Variants in VCAN observed in about 807,000 individuals in gnomAD.
The protein encoded by VCAN is versican.
In VCAN, 44 loss-of-function variants were observed where a neutral mutation model predicts 245.5. The observed-to-expected ratio is 0.18, with a 90% CI of 0.14 to 0.23. The LOEUF is 0.23. VCAN is among the 10% of genes least tolerant of loss of function. VCAN has a pLI of 1.00. For synonymous variants in VCAN, 1,413 were observed against 1,437.0 expected, an observed-to-expected ratio of 0.98 and a Z score of 0.38; for missense variants, 3,793 against 4,057.9, an observed-to-expected ratio of 0.93 and a Z score of 1.77.
At chr5:83,478,427 C>A (rs1486081108) in intron 1 of VCAN, among the ~76,000 whole-genome samples, 4 of 152,118 alleles carry the variant, frequency 2.6e-5, no homozygotes, top group African/African-American at 9.7e-5. Context: ...TTTGATTCAG[C>A]AATTCCACTT....
intron 10 of VCAN, among the ~76,000 whole-genome samples, chr5:83,550,773 G>C (rs1747429331): frequency 6.7e-6 from 1 of 150,068 alleles, no homozygotes; most frequent in South Asian, 2.1e-4. Context: ...TGTAATCTCA[G>C]CTAATCAGGA....
At chr5:83,562,828 G>A (rs1747918382) in intron 12 of VCAN, among the ~76,000 whole-genome samples, 1 of 145,934 alleles carries the variant, frequency 6.9e-6, no homozygotes, top group Non-Finnish European at 1.5e-5. Context: ...TCTGCCTGAG[G>A]CCCCCTCTCT....
chr5:83,539,565 A>G lies in VCAN; in HGVS notation c.6562A>G (p.Asn2188Asp). The G allele has an allele frequency of 6.2e-7, 1 of 1,614,088 alleles. No homozygotes were observed. The highest frequency in any genetic ancestry group is 1.3e-5 in the African/African-American group (1 of 75,058). Residue 2188 changes from asparagine (N) to aspartate (D), a missense_variant, in exon 8 of 15, where the codon AAT (asparagine) becomes GAT (aspartate). Coordinates refer to ENST00000265077, the MANE Select transcript of VCAN (RefSeq NM_004385.5). ...CATGTCTACTCCAGATCCAGATGCA[A>G]ATGGCTTGGAATCTTACACAACTCT... The part of the protein sequence containing the change: ...VNMSTPDPDA[N>D]GLESYTTLPE...
At position 83,471,836 on chromosome 5, in the gene VCAN, A is replaced by T; in HGVS notation, c.-194A>T. 1 of 398,312 alleles carries T rather than the reference A, an allele frequency of 2.5e-6. No homozygotes were observed. 24.7% of individuals were successfully genotyped at this position (398,312 alleles called of 1,614,324 possible). A position where few individuals can be genotyped will look rare whatever the true frequency, so the allele number is the denominator to read the frequency against. ...CAGCCGAGAACATTAGGTGTTGTGG[A>T]CAGGAGCTGGGACCAAGATCTTCGG... On this transcript the variant is annotated 5_prime_UTR_variant, in exon 1 of 15. Coordinates refer to ENST00000265077, the MANE Select transcript of VCAN (RefSeq NM_004385.5).
intron 7 of VCAN, among the ~76,000 whole-genome samples, chr5:83,526,382 G>A (rs1746301822): frequency 6.6e-6 from 1 of 151,952 alleles, no homozygotes; most frequent in Non-Finnish European, 1.5e-5. Context: ...ATAAGATCCA[G>A]GTCCTTTCTT....
intron 7 of VCAN, among the ~76,000 whole-genome samples, chr5:83,534,730 A>C: frequency 6.6e-6 from 1 of 152,126 alleles, no homozygotes; most frequent in East Asian, 1.9e-4. Flanking sequence ...ATATTCAAAT[A>C]GTTTTAGCAA....
At chr5:83,565,776 A>G (rs1268504136) in intron 12 of VCAN, among the ~76,000 whole-genome samples, 1 of 152,064 alleles carries the variant, frequency 6.6e-6, no homozygotes, top group Non-Finnish European at 1.5e-5. Flanking sequence ...TTGCTTCTGT[A>G]TGTGATGTGC....
rs1472717562 is a variant in VCAN at position 83,545,649 on chromosome 5, T to C, written c.9378T>C (p.Leu3126=). 1.2e-6 allele frequency: 2 copies of C among 1,611,632 alleles called. No homozygotes were observed. The highest frequency in any genetic ancestry group is 8.5e-7 in the Non-Finnish European group (1 of 1,177,824). Residue 3126 remains leucine, a splice_region_variant and synonymous_variant, in exon 9 of 15, where the codon CTT becomes CTC. Coordinates refer to ENST00000265077, the MANE Select transcript of VCAN (RefSeq NM_004385.5). ...GATACAGCGGAGACCAGTGTGAACT[T>C]GGTAAGATGGTACTTGGCTGAAAAG... ...VPGYSGDQCE[L]DFDECHSNPC... is the part of the protein sequence containing the mutation.
intron 12 of VCAN, among the ~76,000 whole-genome samples, chr5:83,558,334 A>G (rs1580066585): frequency 6.6e-6 from 1 of 152,024 alleles, no homozygotes; most frequent in East Asian, 1.9e-4. Flanking sequence ...ATCTGCTTAT[A>G]CTTGGAATGG....
rs181669993 is a variant in VCAN at position 83,519,433 on chromosome 5, A to C, written c.1127A>C (p.Asp376Ala). The C allele has an allele frequency of 3.0e-5, 48 of 1,614,166 alleles. No individual in the cohort carries two copies. The highest frequency in any genetic ancestry group is 4.1e-5 in the Non-Finnish European group (48 of 1,179,974). Residue 376 changes from aspartate (D) to alanine (A), a missense_variant, in exon 7 of 15, where the codon GAT becomes GCT. By Grantham distance (126) the Asp-to-Ala change is moderately radical. Around this residue, in one of 5 missense-constraint regions of VCAN, gnomAD observed 3,182 missense variants for 3,250.3 expected, o/e 0.98. Transcript: ENST00000265077. ...SLSKEPQMVS[D>A]RTTPIIPLVD... ...TCCAAAGAACCACAAATGGTTTCTG[A>C]TAGAACTACACCAATCATCCCTTTA...
intron 12 of VCAN, among the ~76,000 whole-genome samples, chr5:83,557,471 G>C (rs1747717699): frequency 6.6e-6 from 1 of 152,096 alleles, no homozygotes; most frequent in Non-Finnish European, 1.5e-5. Flanking sequence ...TGTGGATTCT[G>C]TAGAGTATCT....
At chr5:83,486,138 C>T (rs1036904820) in intron 2 of VCAN, among the ~76,000 whole-genome samples, 4 of 151,984 alleles carry the variant, frequency 2.6e-5, no homozygotes, top group African/African-American at 9.7e-5. Context: ...ATCTCAATAA[C>T]TGGTAAATAA....
intron 5 of VCAN, among the ~76,000 whole-genome samples, chr5:83,511,464 C>CCGA (rs904008475): frequency 6.6e-5 from 10 of 152,118 alleles, no homozygotes; most frequent in African/African-American, 2.4e-4. Flanking sequence ...AGGCCGCGAC[C>CCGA]TTCGTAACCA....
In VCAN at chr5:83,520,221, T is replaced by C. The variant is rs2112408520; in HGVS notation, c.1915T>C (p.Tyr639His). The change falls in exon 7 of 15, where the codon TAT (tyrosine) becomes CAT (histidine). Residue 639 changes from tyrosine (Y) to histidine (H), a missense_variant. Coordinates refer to ENST00000265077, the MANE Select transcript of VCAN (RefSeq NM_004385.5). ...GRITEEFLGK[Y>H]LSTTPFPSQH... ...GATAACGGAAGAGTTTCTTGGCAAA[T>C]ATCTGTCTACTACACCTTTTCCATC... 11 of 1,613,986 alleles carry C rather than the reference T, an allele frequency of 6.8e-6. No homozygotes were observed. Among genetic ancestry groups the C allele is most frequent in the South Asian group, 1.1e-5 (1 of 91,072 alleles).
chr5:83,498,518 T>C (rs747966114), intron 5 of VCAN, among the ~76,000 whole-genome samples: 1 of 152,218 alleles, frequency 6.6e-6, no homozygotes, highest in African/African-American at 2.4e-5. Flanking sequence ...TCCATCAGTA[T>C]ACTATCTGCT....
Position 83,539,048 on chromosome 5 carries a change from G to T in VCAN, c.6045G>T (p.Leu2015=). ...TSSAEGSGEQ[L]VTVSSSVVPV... is the part of the protein sequence containing the mutation. ...CAGCTGAGGGCTCAGGTGAGCAACT[G>T]GTCACAGTCAGCAGCTCTGTTGTTC... The change falls in exon 8 of 15, where the codon CTG becomes CTT. Residue 2015 remains leucine, a synonymous_variant. Transcript: ENST00000265077. The T allele has an allele frequency of 2.5e-6, 4 of 1,613,976 alleles. No individual in the cohort carries two copies. Among genetic ancestry groups the T allele is most frequent in the Non-Finnish European group, 3.4e-6 (4 of 1,179,948 alleles).
chr5:83,563,815 G>A (rs752097088), intron 12 of VCAN, among the ~76,000 whole-genome samples: 10 of 152,058 alleles, frequency 6.6e-5, no homozygotes, highest in Non-Finnish European at 1.3e-4. Flanking sequence ...AAATTTTTAC[G>A]GAAAAACAAA....
intron 7 of VCAN, among the ~76,000 whole-genome samples, chr5:83,524,093 T>G (rs1342104983): frequency 6.6e-6 from 1 of 152,090 alleles, no homozygotes; most frequent in Non-Finnish European, 1.5e-5. Flanking sequence ...CTCTTCCAAG[T>G]GGGAAACTGC....
At chr5:83,555,509 T>G (rs1186046327) in intron 12 of VCAN, among the ~76,000 whole-genome samples, 3 of 152,224 alleles carry the variant, frequency 2.0e-5, no homozygotes, top group Non-Finnish European at 4.4e-5. Context: ...GATATGATCT[T>G]GTGAATTTCT....
Sources: allele counts gnomAD v4.1 joint callset (sites outside exome capture counted in the v4.1 genomes callset), GRCh38; gene constraint gnomAD v4.1.1; regional missense constraint gnomAD v4.1.1; transcripts MANE v1.5; gene names NCBI Gene and HGNC (gene_info 2026-07-23, HGNC 2026-07-21).